CACNA1I: variants seen among roughly 807,000 people sequenced by gnomAD.
The protein encoded by CACNA1I is voltage-dependent T-type calcium channel subunit alpha-1I.
Under a neutral mutation model 201.6 loss-of-function variants are expected in CACNA1I, and 74 were observed. The ratio of observed to expected loss-of-function variants is 0.37; its 90% CI spans 0.30 to 0.45. CACNA1I has a LOEUF of 0.45. CACNA1I is among the 20% of genes least tolerant of loss of function. The pLI is 1.00. For synonymous variants in CACNA1I, 1,431 were observed against 1,345.2 expected, an observed-to-expected ratio of 1.06 and a Z score of -1.40; for missense variants, 2,346 against 3,138.1, an observed-to-expected ratio of 0.75 and a Z score of 6.03.
At chr22:39,602,002 CTCCT>C (rs1933070593) in intron 3 of CACNA1I, among the ~76,000 whole-genome samples, 1 of 6,710 alleles carries the variant, frequency 1.5e-4, no homozygotes, top group African/African-American at 6.7e-4. Flanking sequence ...CCTTCCTTCC[CTCCT>C]TCCTTCCTTC....
intron 4 of CACNA1I, among the ~76,000 whole-genome samples, chr22:39,623,695 A>G (rs1054156140): frequency 2.9e-5 from 4 of 136,460 alleles, no homozygotes; most frequent in Non-Finnish European, 6.2e-5. Context: ...TGTGGCTGTG[A>G]GGGTGTGTGT....
At position 39,619,352 on chromosome 22, in the gene CACNA1I, A is replaced by G; in HGVS notation, c.525A>G (p.Ser175=). The G allele has an allele frequency of 6.2e-7, 1 of 1,610,118 alleles. No individual in the cohort carries two copies. Among genetic ancestry groups the G allele is most frequent in the Non-Finnish European group, 8.5e-7 (1 of 1,179,814 alleles). The change falls in exon 4 of 37, where the codon TCA becomes TCG. Residue 175 remains serine (S), a synonymous_variant. Transcript: ENST00000402142. ...TGGACCTTCAGAACATCAACCTGTC[A>G]GCCATCCGCACCGTGCGCGTCCTGA... ...YSLDLQNINL[S]AIRTVRVLRP...
At chr22:39,591,849 C>T (rs998898714) in intron 1 of CACNA1I, among the ~76,000 whole-genome samples, 1 of 152,256 alleles carries the variant, frequency 6.6e-6, no homozygotes, top group Admixed American at 6.5e-5. Context: ...CATAAGCCAC[C>T]GCGCTTGGCC....
chr22:39,681,094 T>C, intron 34 of CACNA1I, 42 bp downstream of exon 34: 1 of 1,573,064 alleles, frequency 6.4e-7, no homozygotes, highest in South Asian at 1.2e-5. Flanking sequence ...GGTCTGTCCT[T>C]GAAACCTGGC....
Position 39,659,789 on chromosome 22 carries a change from C to A in CACNA1I, c.2541C>A (p.Thr847=). Residue 847 remains threonine (T), a synonymous_variant, in exon 14 of 37, where the codon ACC becomes ACA. Coordinates refer to ENST00000402142, the MANE Select transcript of CACNA1I (RefSeq NM_021096.4). The surrounding 1 kb of genome is among the most constrained non-coding windows in gnomAD (Gnocchi z 4.3). ...WASLYFVALM[T]FGNYVLFNLL... is the part of the protein sequence containing the mutation. ...CCCTCTACTTTGTCGCCCTCATGACCTTCGGCAACTATGTGCTCTTCAACC... is the reference window on the plus strand; with the variant it reads ...CCCTCTACTTTGTCGCCCTCATGACATTCGGCAACTATGTGCTCTTCAACC... 1 of 1,613,970 alleles carries A rather than the reference C, an allele frequency of 6.2e-7. No individual in the cohort carries two copies. The highest frequency in any genetic ancestry group is 8.5e-7 in the Non-Finnish European group (1 of 1,179,882).
rs57911777 is a variant in CACNA1I at position 39,647,862 on chromosome 22, C to A, written c.1503C>A (p.Leu501=). The change falls in exon 9 of 37, where the codon CTC becomes CTA. Residue 501 remains leucine, a synonymous_variant. Transcript: ENST00000402142. The part of the protein sequence containing the change: ...TKGQGDEGRH[L]GSRHCQTLHG... ...GTCAGGGAGATGAAGGGAGACATCT[C>A]GGAAGCCGGCATTGCCAGACTTTGC... is the stretch of plus-strand genomic sequence containing the variant. 2 of 1,613,400 alleles carry A rather than the reference C, an allele frequency of 1.2e-6. No individual in the cohort carries two copies. The highest frequency in any genetic ancestry group is 1.7e-6 in the Non-Finnish European group (2 of 1,179,606).
At position 39,662,240 on chromosome 22, in the gene CACNA1I, C is replaced by T. The variant is rs1025963250; in HGVS notation, c.3177C>T (p.Leu1059=). ...GCCACCACCGCCGGACGCTGTCCCT[C>T]GACAACAGGGACTCGGTGGACCTGG... ...RHRHHRRTLS[L]DNRDSVDLAE... The change falls in exon 17 of 37, where the codon CTC becomes CTT. Residue 1059 remains leucine (L), a synonymous_variant. Transcript: ENST00000402142. The T allele has an allele frequency of 6.5e-7, 1 of 1,529,072 alleles. No homozygotes were observed. Among genetic ancestry groups the T allele is most frequent in the Non-Finnish European group, 8.8e-7 (1 of 1,142,402 alleles). The allele number at this position is 1,529,072 out of a possible 1,614,324, so 94.7% of individuals were successfully genotyped here. A position where few individuals can be genotyped will look rare whatever the true frequency, so the allele number is the denominator to read the frequency against.
In CACNA1I at chr22:39,652,373, C is replaced by A. The variant is rs547628904; in HGVS notation, c.1992+2448C>A. ...TAAGAGATGAGAGAGGCTGTTCCCA[C>A]TGTGCGTCTCCTGCCTGGTCACAGG... On this transcript the variant is annotated intron_variant, in intron 10 of 36. Coordinates refer to ENST00000402142, the MANE Select transcript of CACNA1I (RefSeq NM_021096.4). Among the ~76,000 whole-genome samples the A allele has an allele frequency of 3.9e-5, 6 of 152,346 alleles. No individual in the cohort carries two copies. In the South Asian group the frequency reaches 1.2e-3, roughly 32 times the overall value.
At position 39,679,781 on chromosome 22, in the gene CACNA1I, G is replaced by A; in HGVS notation, c.5454G>A (p.Leu1818=). ...TCAAGGACTCCTTGGAGGGGGAGCT[G>A]ACCATCATCGACAACCTGTCGGGCT... is the stretch of plus-strand genomic sequence containing the variant. ...LIIKDSLEGE[L]TIIDNLSGSI... is the part of the protein sequence containing the mutation. The change falls in exon 33 of 37, where the codon CTG becomes CTA. Residue 1818 remains leucine, a synonymous_variant. Coordinates refer to ENST00000402142, the MANE Select transcript of CACNA1I (RefSeq NM_021096.4). 6.2e-7 allele frequency: 1 copy of A among 1,612,974 alleles called. No homozygotes were observed. Among genetic ancestry groups the A allele is most frequent in the Non-Finnish European group, 8.5e-7 (1 of 1,179,572 alleles).
At position 39,677,477 on chromosome 22, in the gene CACNA1I, T is replaced by TG. The variant is rs527928921; in HGVS notation, c.4933+65dup. 2.8e-3 allele frequency: 2,609 copies of TG among 921,228 alleles called. 61 individuals are homozygous for TG. The East Asian group carries it at 0.06, about 21-fold the overall frequency. The allele number at this position is 921,228 out of a possible 1,614,324, so 57.1% of individuals were successfully genotyped here. A position where few individuals can be genotyped will look rare whatever the true frequency, so the allele number is the denominator to read the frequency against. On this transcript the variant is annotated intron_variant, in intron 30 of 36. Coordinates refer to ENST00000402142, the MANE Select transcript of CACNA1I (RefSeq NM_021096.4). This position sits in a 1 kb window ranked among gnomAD's most constrained non-coding sequence, Gnocchi z 4.8. The stretch of plus-strand genomic sequence containing the variant: ...GGTGCAGCAGGGCTGCAGGAGGAAC[T>TG]GGGGGGGCGGGGGAGGCCTGAGACC...
intron 1 of CACNA1I, among the ~76,000 whole-genome samples, chr22:39,592,244 C>G (rs910443227): frequency 3.3e-5 from 5 of 152,198 alleles, no homozygotes; most frequent in African/African-American, 1.2e-4. Flanking sequence ...TCCTCAAAGG[C>G]GCTCAGGGCT....
intron 4 of CACNA1I, among the ~76,000 whole-genome samples, chr22:39,627,864 G>T (rs2146404159): frequency 6.6e-6 from 1 of 152,148 alleles, no homozygotes; most frequent in South Asian, 2.1e-4. Flanking sequence ...AAGGAAGAGA[G>T]GGAAGGAGGG....
chr22:39,652,095 G>A (rs1304167233), intron 10 of CACNA1I, among the ~76,000 whole-genome samples: 3 of 151,268 alleles, frequency 2.0e-5, no homozygotes, highest in Admixed American at 1.3e-4. Flanking sequence ...GTGCATTGGT[G>A]TGATCTGGGC....
In CACNA1I at chr22:39,659,891, T is replaced by C. The variant is rs136851; in HGVS notation, c.2604+39T>C. The C allele has an allele frequency of 0.56, 909,458 of 1,611,260 alleles. 266,543 individuals are homozygous for C. The highest frequency in any genetic ancestry group is 0.99 in the East Asian group (44,588 of 44,860). On this transcript the variant is annotated intron_variant, in intron 14 of 36. Coordinates refer to ENST00000402142, the MANE Select transcript of CACNA1I (RefSeq NM_021096.4). The surrounding 1 kb of genome is among the most constrained non-coding windows in gnomAD (Gnocchi z 4.3). ...TGGCAGAGGAAGCACCCCCACAGGG[T>C]CTGCGAAAGACTGGGCGAGGGAGAG... is the stretch of plus-strand genomic sequence containing the variant.
rs1251319137 is a variant in CACNA1I, at chr22:39,658,916, C to T, written c.2145-15C>T. ...CCTCCTACCTGTACCCTGGGCCTGCCCTGCGGGACCGCAGCATCTGGGAGA... is the reference window on the plus strand; with the variant it reads ...CCTCCTACCTGTACCCTGGGCCTGCTCTGCGGGACCGCAGCATCTGGGAGA... On this transcript the variant is annotated splice_polypyrimidine_tract_variant and intron_variant, in intron 11 of 36. Transcript: ENST00000402142. 1.3e-6 allele frequency: 2 copies of T among 1,576,014 alleles called. No individual in the cohort carries two copies. The highest frequency in any genetic ancestry group is 1.7e-6 in the Non-Finnish European group (2 of 1,164,044).
chr22:39,659,792 C>T lies in CACNA1I; in HGVS notation c.2544C>T (p.Phe848=), dbSNP rs748286729. Residue 848 remains phenylalanine (F), a synonymous_variant, in exon 14 of 37, where the codon TTC becomes TTT. Transcript: ENST00000402142. The surrounding 1 kb of genome is among the most constrained non-coding windows in gnomAD (Gnocchi z 4.3). ...ASLYFVALMT[F]GNYVLFNLLV... ...TCTACTTTGTCGCCCTCATGACCTT[C>T]GGCAACTATGTGCTCTTCAACCTGC... 12 of 1,613,930 alleles carry T rather than the reference C, an allele frequency of 7.4e-6. No homozygotes were observed. Among genetic ancestry groups the T allele is most frequent in the South Asian group, 6.6e-5 (6 of 91,066 alleles).
At chr22:39,575,067 T>C (rs536880937) in intron 1 of CACNA1I, among the ~76,000 whole-genome samples, 88 of 152,374 alleles carry the variant, frequency 5.8e-4, no homozygotes, top group African/African-American at 2.1e-3. Flanking sequence ...CTCGCCCATA[T>C]GTCAGCACCG....
intron 1 of CACNA1I, among the ~76,000 whole-genome samples, chr22:39,579,676 C>T (rs1031957905): frequency 3.4e-5 from 5 of 148,892 alleles, no homozygotes; most frequent in Admixed American, 6.8e-5. Context: ...GACAGAGTTT[C>T]GCTCTTGTCA....
intron 4 of CACNA1I, among the ~76,000 whole-genome samples, chr22:39,627,245 C>G (rs921287197): frequency 6.6e-5 from 10 of 152,234 alleles, no homozygotes; most frequent in Non-Finnish European, 1.5e-4. Flanking sequence ...CCATCTCCCC[C>G]CTCAGCCTGG....
Sources: allele counts gnomAD v4.1 joint callset (sites outside exome capture counted in the v4.1 genomes callset), GRCh38; gene constraint gnomAD v4.1.1; non-coding constraint Gnocchi (gnomAD v3.1); transcripts MANE v1.5; gene names NCBI Gene and HGNC (gene_info 2026-07-23, HGNC 2026-07-21).